GRK5: variants seen among roughly 807,000 people sequenced by gnomAD.
GRK5 encodes G protein-coupled receptor kinase 5, also known as g protein-coupled receptor kinase GRK5.
In GRK5, 40 loss-of-function variants were observed where a neutral mutation model predicts 78.4. The ratio of observed to expected loss-of-function variants is 0.51; its 90% confidence interval spans 0.40 to 0.66. GRK5 has a LOEUF of 0.66. Ranked by LOEUF, GRK5 falls within the 30% of genes least tolerant of loss-of-function variation. The pLI is 0.00. For synonymous variants in GRK5, 289 were observed against 296.8 expected (o/e 0.97, Z 0.27); for missense variants, 598 against 759.9 (o/e 0.79, Z 2.50).
In GRK5 at chr10:119,380,884, C is replaced by A. The variant is rs767801735; in HGVS notation, c.218C>A (p.Thr73Asn). The change falls in exon 3 of 16, where the codon ACC becomes AAC. Residue 73 changes from threonine (T) to asparagine (N), a missense_variant. Coordinates refer to ENST00000392870, the MANE Select transcript of GRK5 (RefSeq NM_005308.3). ...GRLLFRQFCE[T>N]RPGLECYIQF... ...CTGCTTTTCCGGCAGTTTTGTGAAA[C>A]CAGGCCTGGGCTGGAGTGTTACATT... 2 of 1,613,512 alleles carry A rather than the reference C, an allele frequency of 1.2e-6. No individual in the cohort carries two copies. Among genetic ancestry groups the A allele is most frequent in the South Asian group, 1.1e-5 (1 of 91,054 alleles).
At chr10:119,326,377 T>C in intron 1 of GRK5, 139 bp from the exon 2 acceptor site, 1 of 669,908 alleles carries the variant, frequency 1.5e-6, no homozygotes, top group Non-Finnish European at 2.7e-6. Flanking sequence ...GTGTGTGTCT[T>C]GGGCTGGGGG....
At chr10:119,227,442 C>T (rs997881731) in intron 1 of GRK5, among the ~76,000 whole-genome samples, 2 of 152,124 alleles carry the variant, frequency 1.3e-5, no homozygotes, top group Non-Finnish European at 2.9e-5. Flanking sequence ...TGGCGCATGC[C>T]TGTAAACTCA....
At chr10:119,429,506 G>A (rs1052795437) in intron 6 of GRK5, among the ~76,000 whole-genome samples, 1 of 150,590 alleles carries the variant, frequency 6.6e-6, no homozygotes, top group South Asian at 2.1e-4. Context: ...CAAACCACAA[G>A]CCCTCTGCAC....
chr10:119,304,532 G>C (rs974001008), intron 1 of GRK5, among the ~76,000 whole-genome samples: 5 of 152,158 alleles, frequency 3.3e-5, no homozygotes, highest in African/African-American at 1.2e-4. Flanking sequence ...ACAACCCTAG[G>C]CGGCAACATT....
intron 1 of GRK5, among the ~76,000 whole-genome samples, chr10:119,290,216 G>A (rs1317640196): frequency 1.3e-5 from 2 of 151,912 alleles, no homozygotes; most frequent in East Asian, 1.9e-4. Flanking sequence ...GCATGTTGGC[G>A]GGTGCCTGTA....
In GRK5 at chr10:119,326,237, C is replaced by T. The variant is rs60941942; in HGVS notation, c.53-279C>T. ...CTGTGGTCTAGTCTAGGGGAACAGCCGTGGGGGATGCCTGGTGTGGGTGGG... is the reference window on the plus strand; with the variant it reads ...CTGTGGTCTAGTCTAGGGGAACAGCTGTGGGGGATGCCTGGTGTGGGTGGG... On this transcript the variant is annotated intron_variant, in intron 1 of 15. Transcript: ENST00000392870. Among the ~76,000 whole-genome samples, 1,354 of 152,290 alleles carry T rather than the reference C, an allele frequency of 8.9e-3. 23 individuals carry two copies. The highest frequency in any genetic ancestry group is 0.031 in the African/African-American group (1,305 of 41,574).
chr10:119,427,111 TATCATCAGTATCACTGCC>T (rs1442156833), intron 6 of GRK5, among the ~76,000 whole-genome samples: 3 of 144,074 alleles, frequency 2.1e-5, no homozygotes, highest in African/African-American at 7.8e-5. Context: ...GCATCACTGC[TATCATCAGTATCACTGCC>T]ATCATCAGCA....
intron 1 of GRK5, among the ~76,000 whole-genome samples, chr10:119,262,955 C>T (rs897126847): frequency 2.0e-4 from 31 of 152,122 alleles, no homozygotes; most frequent in African/African-American, 7.5e-4. Flanking sequence ...GAAAAGGGTT[C>T]TATGGTCAAA....
intron 10 of GRK5, 126 bp from the exon 11 acceptor site, chr10:119,441,873 G>C (rs1003105418): frequency 1.4e-6 from 1 of 692,458 alleles, no homozygotes; most frequent in African/African-American, 1.8e-5. Context: ...TGGCAGATTG[G>C]GGTCCCTGTT....
intron 1 of GRK5, among the ~76,000 whole-genome samples, chr10:119,313,047 G>GTAATGGTAGTGGTGGTGGTGA (rs1850400155): frequency 2.5e-5 from 3 of 121,936 alleles, no homozygotes; most frequent in South Asian, 2.7e-4. Context: ...GATGGTGGTG[G>GTAATGGTAGTGGTGGTGGTGA]TGGTAATGAT....
At chr10:119,366,902 C>G (rs1851459256) in intron 2 of GRK5, among the ~76,000 whole-genome samples, 1 of 152,196 alleles carries the variant, frequency 6.6e-6, no homozygotes, top group Admixed American at 6.5e-5. Context: ...CACATCCCAG[C>G]TCTGCCTCTT....
chr10:119,381,465 G>T (rs562170159), intron 3 of GRK5, among the ~76,000 whole-genome samples: 1 of 152,382 alleles, frequency 6.6e-6, no homozygotes, highest in Non-Finnish European at 1.5e-5. Context: ...TGTCAAGCCG[G>T]TCTGACACCA....
intron 1 of GRK5, among the ~76,000 whole-genome samples, chr10:119,302,496 G>A (rs186503850): frequency 1.1e-3 from 161 of 152,282 alleles, no homozygotes; most frequent in African/African-American, 3.5e-3. Context: ...AGAGCTGGTT[G>A]TACTTTTTCT....
chr10:119,369,523 G>C (rs1004290079), intron 2 of GRK5, among the ~76,000 whole-genome samples: 1 of 152,196 alleles, frequency 6.6e-6, no homozygotes, highest in Non-Finnish European at 1.5e-5. Context: ...TGCTTTCCAG[G>C]CTCTTCCTGA....
rs888802477 is a variant in GRK5, at chr10:119,254,356, T to A, written c.52+46387T>A. On this transcript the variant is annotated intron_variant, in intron 1 of 15. Coordinates refer to ENST00000392870, the MANE Select transcript of GRK5 (RefSeq NM_005308.3). The stretch of plus-strand genomic sequence containing the variant: ...CTGTTCTGTTCTGCCCTACTTTAGT[T>A]TTTAGACAGTGTATTGTGATAAGTT... Among the ~76,000 whole-genome samples, 45 of 152,240 alleles carry A rather than the reference T, an allele frequency of 3.0e-4. 2 individuals are homozygous for A. The highest frequency in any genetic ancestry group is 1.1e-3 in the African/African-American group (44 of 41,516).
chr10:119,272,517 A>G (rs907950755), intron 1 of GRK5, among the ~76,000 whole-genome samples: 6 of 146,992 alleles, frequency 4.1e-5, no homozygotes, highest in Admixed American at 7.0e-5. Flanking sequence ...CGGAGGTTGC[A>G]GTGAGCCGAG....
At chr10:119,321,447 C>G (rs1447576782) in intron 1 of GRK5, among the ~76,000 whole-genome samples, 2 of 152,236 alleles carry the variant, frequency 1.3e-5, no homozygotes, top group East Asian at 1.9e-4. Context: ...CGGGGAGAAT[C>G]CTTCCTGGCC....
At chr10:119,450,303 G>A (rs757230664) in intron 13 of GRK5, among the ~76,000 whole-genome samples, 4 of 152,278 alleles carry the variant, frequency 2.6e-5, no homozygotes, top group Non-Finnish European at 4.4e-5. Flanking sequence ...ATTAGTCATC[G>A]CATTGGAGCT....
intron 1 of GRK5, among the ~76,000 whole-genome samples, chr10:119,235,459 A>G (rs529364941): frequency 9.8e-5 from 15 of 152,290 alleles, no homozygotes; most frequent in African/African-American, 3.6e-4. Context: ...GTGAAGAGAA[A>G]AGCAAATGCA....
Sources: gnomAD v4.1 joint callset for allele counts (sites outside exome capture counted in the v4.1 genomes callset) on GRCh38, gnomAD v4.1.1 for gene constraint, MANE v1.5 for transcripts, NCBI Gene and HGNC (gene_info 2026-07-23, HGNC 2026-07-21) for gene names.